Variants in FANCC observed in about 807,000 individuals in gnomAD.
FANCC encodes the protein FA complementation group C.
A neutral mutation model predicts 71.3 loss-of-function variants in FANCC; 55 were observed. The ratio of observed to expected loss-of-function variants is 0.77; its 90% CI spans 0.62 to 0.97. The LOEUF (loss-of-function observed/expected upper bound fraction) is 0.97, where lower values mean the gene tolerates loss of function less well. FANCC is among the 50% of genes least tolerant of loss of function. The pLI is 0.00. For missense variants in FANCC, 678 were observed against 670.9 expected (o/e 1.01, Z -0.12); for synonymous variants, 275 against 244.9 (o/e 1.12, Z -1.15).
rs771619614 is a variant in FANCC, at chr9:95,240,723, T to C, written c.271A>G (p.Ile91Val). The change falls in exon 4 of 15, where the codon ATA becomes GTA. Residue 91 changes from isoleucine (I) to valine (V), a missense_variant. Ile to Val is a conservative substitution (Grantham distance 29). Transcript: ENST00000289081. ...LAYDESQKILIWCLCCLINKE... is the reference protein window; with the variant it reads ...LAYDESQKILVWCLCCLINKE... Reference sequence around the variant, plus strand: ...TTAATTAGACAACATAAGCACCATATTAGAATTTTTTGGCTTTCATCTACA... The same window carrying C: ...TTAATTAGACAACATAAGCACCATACTAGAATTTTTTGGCTTTCATCTACA... 96 of 1,612,042 alleles carry C rather than the reference T, an allele frequency of 6.0e-5. No individual in the cohort carries two copies. The highest frequency in any genetic ancestry group is 7.9e-5 in the Non-Finnish European group (93 of 1,178,900).
chr9:95,211,305 T>C (rs753993989), intron 4 of FANCC, among the ~76,000 whole-genome samples: 7 of 152,240 alleles, frequency 4.6e-5, no homozygotes, highest in Admixed American at 2.6e-4. Flanking sequence ...AAGGCAAAGA[T>C]AGCTACAATT....
intron 1 of FANCC, among the ~76,000 whole-genome samples, chr9:95,256,670 C>A (rs1311723161): frequency 6.6e-6 from 1 of 152,176 alleles, no homozygotes; most frequent in Admixed American, 6.5e-5. Context: ...ATGATAGGAT[C>A]AAATTCACAC....
chr9:95,304,589 GAA>G lies in FANCC; in HGVS notation c.-79+12935_-79+12936del, dbSNP rs34635814. On this transcript the variant is annotated intron_variant, in intron 1 of 14. Coordinates refer to ENST00000289081, the MANE Select transcript of FANCC (RefSeq NM_000136.3). The stretch of plus-strand genomic sequence containing the variant: ...GGGAAACCCTGTCTCTACTAAAAAC[GAA>G]AAAAAAAAAATAGGTGGGCGTGGTG... 4.0e-3 allele frequency among the ~76,000 whole-genome samples: 580 copies of G among 144,836 alleles called. 5 individuals carry two copies. The highest frequency in any genetic ancestry group is 0.024 in the Middle Eastern group (7 of 288).
intron 1 of FANCC, among the ~76,000 whole-genome samples, chr9:95,282,212 G>A (rs1363530296): frequency 6.6e-6 from 1 of 151,908 alleles, no homozygotes; most frequent in Non-Finnish European, 1.5e-5. Flanking sequence ...TAAATAAATG[G>A]AAAAAGATAC....
chr9:95,304,728 C>T, intron 1 of FANCC, among the ~76,000 whole-genome samples: 1 of 109,590 alleles, frequency 9.1e-6, no homozygotes, highest in African/African-American at 3.6e-5. Flanking sequence ...GCAGCCTGGG[C>T]AACAGAGCAA....
In FANCC at chr9:95,234,733, A is replaced by G. The variant is rs564901644; in HGVS notation, c.345+5916T>C. 5.3e-5 allele frequency among the ~76,000 whole-genome samples: 8 copies of G among 152,350 alleles called. No individual in the cohort carries two copies. In the South Asian group the frequency reaches 1.7e-3, roughly 32 times the overall value. On this transcript the variant is annotated intron_variant, in intron 4 of 14. Coordinates refer to ENST00000289081, the MANE Select transcript of FANCC (RefSeq NM_000136.3). ...AGCTAACACCATTACAGTAGCCAGC[A>G]AGTCAGAGACACAAGAGAGCAAATG... is the stretch of plus-strand genomic sequence containing the variant.
intron 4 of FANCC, among the ~76,000 whole-genome samples, chr9:95,177,390 G>A (rs1401213649): frequency 2.0e-5 from 3 of 152,208 alleles, no homozygotes. Context: ...TAAATGGGGA[G>A]TGAATATGAA....
At chr9:95,199,072 G>T (rs1827641424) in intron 4 of FANCC, among the ~76,000 whole-genome samples, 1 of 151,930 alleles carries the variant, frequency 6.6e-6, no homozygotes, top group Non-Finnish European at 1.5e-5. Flanking sequence ...AATTTTTTTT[G>T]AAAGAGTATT....
At chr9:95,107,416 A>G (rs1483075520) in intron 13 of FANCC, 147 bp from the exon 14 acceptor site, 9 of 798,984 alleles carry the variant, frequency 1.1e-5, no homozygotes, top group South Asian at 6.0e-5. Context: ...CCGAATTTAC[A>G]CTCGATTTCA....
chr9:95,236,003 G>C (rs1615399), intron 4 of FANCC, among the ~76,000 whole-genome samples: 1 of 152,016 alleles, frequency 6.6e-6, no homozygotes, highest in Non-Finnish European at 1.5e-5. Flanking sequence ...AAGTCTGTTA[G>C]ATTTTTTAAT....
chr9:95,241,348 CTAAAA>C (rs1244469330), intron 3 of FANCC, among the ~76,000 whole-genome samples: 1 of 152,204 alleles, frequency 6.6e-6, no homozygotes, highest in Non-Finnish European at 1.5e-5. Flanking sequence ...CTCTTTTACT[CTAAAA>C]TGTAAATCTT....
At chr9:95,151,220 G>A (rs1191913417) in intron 6 of FANCC, among the ~76,000 whole-genome samples, 1 of 152,164 alleles carries the variant, frequency 6.6e-6, no homozygotes, top group Non-Finnish European at 1.5e-5. Context: ...TCTGAGGGCA[G>A]AAGCTCTACA....
intron 1 of FANCC, among the ~76,000 whole-genome samples, chr9:95,281,593 A>T (rs1833387807): frequency 6.6e-6 from 1 of 152,092 alleles, no homozygotes; most frequent in South Asian, 2.1e-4. Context: ...AAACATCTGA[A>T]AGTATATAAC....
rs959159855 is a variant in FANCC at position 95,107,343 on chromosome 9, G to A, written c.1330-74C>T. ...ACATACTTCTAGGATTTATTTATTT[G>A]CTTTGAAACAACCCCCAGAAACGGG... On this transcript the variant is annotated intron_variant, in intron 13 of 14. Coordinates refer to ENST00000289081, the MANE Select transcript of FANCC (RefSeq NM_000136.3). 7 of 1,502,008 alleles carry A rather than the reference G, an allele frequency of 4.7e-6. No individual in the cohort carries two copies. The African/African-American group carries it at 9.7e-5, about 21-fold the overall frequency. The allele number at this position is 1,502,008 out of a possible 1,614,324, so 93.0% of individuals were successfully genotyped here. A position where few individuals can be genotyped will look rare whatever the true frequency, so the allele number is the denominator to read the frequency against.
intron 1 of FANCC, among the ~76,000 whole-genome samples, chr9:95,257,426 T>A (rs1831732030): frequency 6.6e-6 from 1 of 152,212 alleles, no homozygotes; most frequent in Non-Finnish European, 1.5e-5. Context: ...TGCTCCTGAA[T>A]GACTACTGGG....
At chr9:95,218,191 G>A (rs1467587453) in intron 4 of FANCC, among the ~76,000 whole-genome samples, 2 of 152,256 alleles carry the variant, frequency 1.3e-5, no homozygotes, top group East Asian at 3.8e-4. Context: ...CAGGCCGAGT[G>A]TGGTGGCCCA....
chr9:95,256,567 C>T (rs887062118), intron 1 of FANCC, among the ~76,000 whole-genome samples: 2 of 152,146 alleles, frequency 1.3e-5, no homozygotes, highest in Admixed American at 6.5e-5. Flanking sequence ...AACCCAGTAC[C>T]AGCCACCGCA....
chr9:95,148,129 G>A (rs1829810960), intron 7 of FANCC, among the ~76,000 whole-genome samples: 1 of 152,108 alleles, frequency 6.6e-6, no homozygotes, highest in African/African-American at 2.4e-5. Context: ...TCGAAACACT[G>A]CATTTTCACA....
At chr9:95,112,005 G>GGA (rs779893575) in intron 12 of FANCC, among the ~76,000 whole-genome samples, 2 of 152,194 alleles carry the variant, frequency 1.3e-5, no homozygotes, top group Non-Finnish European at 2.9e-5. Flanking sequence ...AGAAAGAGGT[G>GGA]GAGGGTAGGA....
Sources: gnomAD v4.1 joint callset for allele counts (sites outside exome capture counted in the v4.1 genomes callset) on GRCh38, gnomAD v4.1.1 for gene constraint, MANE v1.5 for transcripts, NCBI Gene and HGNC (gene_info 2026-07-23, HGNC 2026-07-21) for gene names.